TRPC4: variants seen among roughly 807,000 people sequenced by gnomAD.
The protein encoded by TRPC4 is transient receptor potential cation channel subfamily C member 4.
In TRPC4, 49 loss-of-function variants were observed where a neutral mutation model predicts 99.4. The ratio of observed to expected loss-of-function variants is 0.49; its 90% CI spans 0.39 to 0.63. The LOEUF (loss-of-function observed/expected upper bound fraction) is 0.63. TRPC4 is among the 20% of genes least tolerant of loss of function. The pLI, the probability that TRPC4 is intolerant of heterozygous loss-of-function variation, is 0.00. For missense variants in TRPC4, 898 were observed against 1,152.9 expected, an observed-to-expected ratio of 0.78 and a Z score of 3.20; for synonymous variants, 454 against 425.9, an observed-to-expected ratio of 1.07 and a Z score of -0.81.
intron 3 of TRPC4, among the ~76,000 whole-genome samples, chr13:37,701,189 G>A (rs1344351): frequency 0.54 from 81,925 of 151,950 alleles, 22,447 homozygotes; most frequent in African/African-American, 0.62. Context: ...CTATAATTCT[G>A]TCAGTCTTTG....
chr13:37,791,894 C>CA (rs1264005155), intron 1 of TRPC4, among the ~76,000 whole-genome samples: 2 of 152,038 alleles, frequency 1.3e-5, no homozygotes, highest in African/African-American at 4.8e-5. Context: ...TAGGGAATGA[C>CA]AGAGGGCCAG....
chr13:37,764,813 CTT>C (rs71096806), intron 2 of TRPC4, among the ~76,000 whole-genome samples: 41,186 of 129,218 alleles, frequency 0.32, 6,769 homozygotes, highest in Non-Finnish European at 0.42. Context: ...TTATCAAATG[CTT>C]TTTTTTTTTT....
chr13:37,836,406 C>T (rs1958566991), intron 1 of TRPC4, among the ~76,000 whole-genome samples: 1 of 152,036 alleles, frequency 6.6e-6, no homozygotes, highest in Non-Finnish European at 1.5e-5. Context: ...TTTGGAACTC[C>T]CTAGAGGCTC....
At chr13:37,646,360 A>ATT (rs201029366) in intron 8 of TRPC4, among the ~76,000 whole-genome samples, 1 of 151,634 alleles carries the variant, frequency 6.6e-6, no homozygotes, top group African/African-American at 2.4e-5. Flanking sequence ...AAGAACTAGT[A>ATT]TTTTTTTTTG....
intron 8 of TRPC4, among the ~76,000 whole-genome samples, chr13:37,644,563 A>G (rs1268691884): frequency 6.6e-6 from 1 of 152,140 alleles, no homozygotes; most frequent in Non-Finnish European, 1.5e-5. Flanking sequence ...AGTGTACAAT[A>G]TCACATAGAA....
chr13:37,738,568 G>A (rs1955476170), intron 3 of TRPC4, among the ~76,000 whole-genome samples: 1 of 152,136 alleles, frequency 6.6e-6, no homozygotes, highest in Non-Finnish European at 1.5e-5. Context: ...CAGATGTTCT[G>A]ATTTAACTAG....
At position 37,639,744 on chromosome 13, in the gene TRPC4, C is replaced by CATATATATATATATATATAT. The variant is rs59528300; in HGVS notation, c.2080-446_2080-445insATATATATATATATATATAT. 3.1e-3 allele frequency among the ~76,000 whole-genome samples: 449 copies of CATATATATATATATATATAT among 146,742 alleles called. 3 individuals are homozygous for CATATATATATATATATATAT. Among genetic ancestry groups the CATATATATATATATATATAT allele is most frequent in the African/African-American group, 0.01 (410 of 39,372 alleles). ...CTCATTAGTCACTGAACTCTCCAAT[C>CATATATATATATATATATAT]ATATATATATATATATAATATCAAT... On this transcript the variant is annotated intron_variant, in intron 8 of 10. Coordinates refer to ENST00000379705, the MANE Select transcript of TRPC4 (RefSeq NM_016179.4).
intron 2 of TRPC4, among the ~76,000 whole-genome samples, chr13:37,765,218 TC>T (rs1271071541): frequency 6.6e-6 from 1 of 151,344 alleles, no homozygotes; most frequent in East Asian, 1.9e-4. Context: ...CAGTGTCTTT[TC>T]CCCCAATATT....
intron 3 of TRPC4, among the ~76,000 whole-genome samples, chr13:37,698,055 G>A (rs1953974819): frequency 6.6e-6 from 1 of 151,454 alleles, no homozygotes; most frequent in Non-Finnish European, 1.5e-5. Flanking sequence ...AGGATCACCT[G>A]GAGGCTGTTA....
At chr13:37,756,453 C>T (rs1956098582) in intron 2 of TRPC4, among the ~76,000 whole-genome samples, 1 of 151,832 alleles carries the variant, frequency 6.6e-6, no homozygotes, top group Non-Finnish European at 1.5e-5. Context: ...TTTATGAAGA[C>T]TGGTGGATAA....
intron 3 of TRPC4, among the ~76,000 whole-genome samples, chr13:37,735,181 T>G (rs1955357772): frequency 6.6e-6 from 1 of 152,066 alleles, no homozygotes; most frequent in South Asian, 2.1e-4. Context: ...TTTAGAAAAA[T>G]TATGACTATG....
intron 3 of TRPC4, among the ~76,000 whole-genome samples, chr13:37,725,931 C>T (rs920234892): frequency 6.6e-6 from 1 of 152,108 alleles, no homozygotes; most frequent in Non-Finnish European, 1.5e-5. Context: ...GTATTGGCAG[C>T]TCACACCTGT....
At chr13:37,805,630 A>C (rs1957511386) in intron 1 of TRPC4, among the ~76,000 whole-genome samples, 1 of 151,964 alleles carries the variant, frequency 6.6e-6, no homozygotes. Context: ...GTTTCACACT[A>C]TTTGGAAGAA....
intron 3 of TRPC4, among the ~76,000 whole-genome samples, chr13:37,732,655 G>A (rs1177906044): frequency 2.0e-5 from 3 of 152,024 alleles, no homozygotes; most frequent in Admixed American, 6.6e-5. Flanking sequence ...AAAATCAGTA[G>A]CGCTTCTACA....
intron 3 of TRPC4, among the ~76,000 whole-genome samples, chr13:37,729,554 A>C (rs969891269): frequency 6.6e-6 from 1 of 152,124 alleles, no homozygotes; most frequent in Non-Finnish European, 1.5e-5. Flanking sequence ...CAGTACGATC[A>C]CCATAGCTGA....
intron 3 of TRPC4, among the ~76,000 whole-genome samples, chr13:37,713,646 A>T (rs150334135): frequency 6.4e-4 from 98 of 152,324 alleles, no homozygotes; most frequent in African/African-American, 2.3e-3. Flanking sequence ...GTAATTTTAC[A>T]TAGGATCAGG....
intron 3 of TRPC4, among the ~76,000 whole-genome samples, chr13:37,712,640 T>C (rs1209277795): frequency 6.6e-6 from 1 of 152,170 alleles, no homozygotes; most frequent in Non-Finnish European, 1.5e-5. Context: ...CTCAAGAGCA[T>C]GGGAGAATTG....
At position 37,633,615 on chromosome 13, in the gene TRPC4, C is replaced by T. The variant is rs557539637; in HGVS notation, c.*3288G>A. ...GAGAACAGCATGGTGAGTCTACTATCCTTGACTTTTCATCAATTTGTTTCA... is the reference window on the plus strand; with the variant it reads ...GAGAACAGCATGGTGAGTCTACTATTCTTGACTTTTCATCAATTTGTTTCA... On this transcript the variant is annotated 3_prime_UTR_variant, in exon 11 of 11. Transcript: ENST00000379705. Among the ~76,000 whole-genome samples the T allele has an allele frequency of 5.3e-5, 8 of 152,254 alleles. No homozygotes were observed. Among genetic ancestry groups the T allele is most frequent in the African/African-American group, 1.9e-4 (8 of 41,560 alleles).
intron 1 of TRPC4, among the ~76,000 whole-genome samples, chr13:37,801,152 A>T (rs2139431139): frequency 6.6e-6 from 1 of 152,256 alleles, no homozygotes; most frequent in Non-Finnish European, 1.5e-5. Flanking sequence ...ATGTGAACAT[A>T]TTTTATTGTT....
Sources: allele counts gnomAD v4.1 joint callset (sites outside exome capture counted in the v4.1 genomes callset), GRCh38; gene constraint gnomAD v4.1.1; transcripts MANE v1.5; gene names NCBI Gene and HGNC (gene_info 2026-07-23, HGNC 2026-07-21).